IL1RAPL2: variants seen among roughly 807,000 people sequenced by gnomAD.
IL1RAPL2 encodes interleukin 1 receptor accessory protein like 2.
In IL1RAPL2, 3 loss-of-function variants were observed where a neutral mutation model predicts 44.1. The ratio of observed to expected loss-of-function variants is 0.07; its 90% CI spans 0.03 to 0.18. The LOEUF is 0.18. Ranked by LOEUF, IL1RAPL2 falls within the 10% of genes least tolerant of loss-of-function variation. IL1RAPL2 has a pLI of 1.00. For missense variants in IL1RAPL2, 391 were observed against 496.4 expected, an observed-to-expected ratio of 0.79 and a Z score of 2.02; for synonymous variants, 181 against 178.8, an observed-to-expected ratio of 1.01 and a Z score of -0.10.
intron 2 of IL1RAPL2, among the ~76,000 whole-genome samples, chrX:105,032,262 C>CT (rs1175049450): frequency 9.2e-6 from 1 of 108,520 alleles, no homozygotes; most frequent in East Asian, 2.9e-4. Flanking sequence ...TTCTTGCCTT[C>CT]TGCTAGCTTT....
chrX:104,595,288 G>T (rs1928742700), intron 1 of IL1RAPL2, among the ~76,000 whole-genome samples: 1 of 111,364 alleles, frequency 9.0e-6, no homozygotes, highest in Non-Finnish European at 1.9e-5. Flanking sequence ...CCTAGGCTCT[G>T]GCTTGAGCTA....
chrX:105,412,406 C>T (rs1640787800), intron 5 of IL1RAPL2, among the ~76,000 whole-genome samples: 2 of 107,812 alleles, frequency 1.9e-5, no homozygotes, highest in Admixed American at 2.0e-4. Context: ...TTGGTTGGAC[C>T]TGGGGGACAC....
chrX:105,003,541 GAT>G (rs2030889115), intron 2 of IL1RAPL2, among the ~76,000 whole-genome samples: 1 of 110,917 alleles, frequency 9.0e-6, no homozygotes, highest in Non-Finnish European at 1.9e-5. Context: ...GTTATAGAAA[GAT>G]AATTACTTTT....
At chrX:104,665,556 T>A (rs2148026051) in intron 2 of IL1RAPL2, among the ~76,000 whole-genome samples, 1 of 111,174 alleles carries the variant, frequency 9.0e-6, no homozygotes, top group African/African-American at 3.3e-5. Context: ...TTTTTATAGA[T>A]TCTTCCAGAT....
chrX:105,347,421 T>A (rs1461705264), intron 5 of IL1RAPL2, among the ~76,000 whole-genome samples: 1 of 111,630 alleles, frequency 9.0e-6, no homozygotes, highest in Non-Finnish European at 1.9e-5. Flanking sequence ...ATTTTTTGCC[T>A]GGAGGATTAA....
chrX:104,753,136 CT>C (rs34311371), intron 2 of IL1RAPL2, among the ~76,000 whole-genome samples: 33,794 of 97,491 alleles, frequency 0.35, 5,182 homozygotes, highest in East Asian at 0.45. Flanking sequence ...CCCACAATAT[CT>C]TTTTTTTTTT....
intron 2 of IL1RAPL2, among the ~76,000 whole-genome samples, chrX:104,693,879 A>G (rs1171766484): frequency 8.9e-6 from 1 of 111,951 alleles, no homozygotes; most frequent in East Asian, 2.8e-4. Context: ...TTAAGTGGCC[A>G]AAGCTTGGCT....
intron 1 of IL1RAPL2, among the ~76,000 whole-genome samples, chrX:104,646,316 A>G (rs1487142108): frequency 2.0e-5 from 2 of 100,046 alleles, no homozygotes; most frequent in African/African-American, 4.1e-5. Context: ...GTTCTAGTCA[A>G]TGGTGCTGGG....
intron 8 of IL1RAPL2, among the ~76,000 whole-genome samples, chrX:105,741,433 C>T (rs1235262203): frequency 1.4e-4 from 16 of 111,810 alleles, no homozygotes; most frequent in Non-Finnish European, 3.0e-4. Context: ...GTACATCCGG[C>T]AAAGGCTTTG....
At chrX:104,891,395 T>G (rs967253884) in intron 2 of IL1RAPL2, among the ~76,000 whole-genome samples, 4 of 112,070 alleles carry the variant, frequency 3.6e-5, no homozygotes, top group Non-Finnish European at 7.5e-5. Context: ...TGGGCAGTAT[T>G]GCCATTTTCA....
At chrX:105,544,933 C>T (rs544640001) in intron 6 of IL1RAPL2, among the ~76,000 whole-genome samples, 27 of 111,132 alleles carry the variant, frequency 2.4e-4, no homozygotes, top group Non-Finnish European at 4.5e-4. Flanking sequence ...TCTTAATTAA[C>T]GAGAACCTCC....
intron 6 of IL1RAPL2, among the ~76,000 whole-genome samples, chrX:105,673,545 C>A (rs966147200): frequency 8.9e-6 from 1 of 111,939 alleles, no homozygotes; most frequent in African/African-American, 3.2e-5. Flanking sequence ...ATATATACCA[C>A]AATTTCTTTA....
chrX:105,329,629 A>T (rs888367961), intron 5 of IL1RAPL2, among the ~76,000 whole-genome samples: 2 of 111,573 alleles, frequency 1.8e-5, no homozygotes, highest in Non-Finnish European at 3.8e-5. Context: ...GTCTATTTTT[A>T]TGAGGATGAC....
At chrX:104,631,321 A>C (rs780041701) in intron 1 of IL1RAPL2, among the ~76,000 whole-genome samples, 3 of 111,908 alleles carry the variant, frequency 2.7e-5, no homozygotes, top group Non-Finnish European at 3.8e-5. Flanking sequence ...GTCTTTATAG[A>C]AGCATGATTT....
chrX:104,861,349 T>A, intron 2 of IL1RAPL2, among the ~76,000 whole-genome samples: 1 of 111,784 alleles, frequency 8.9e-6, no homozygotes, highest in East Asian at 2.8e-4. Context: ...ACTGGGGACA[T>A]TAAATATGTA....
At chrX:105,721,735 G>T in intron 7 of IL1RAPL2, among the ~76,000 whole-genome samples, 1 of 111,852 alleles carries the variant, frequency 8.9e-6, no homozygotes, top group Middle Eastern at 4.7e-3. Flanking sequence ...AACCTTTCAG[G>T]ACTTGCAAAA....
intron 2 of IL1RAPL2, among the ~76,000 whole-genome samples, chrX:105,079,255 G>T (rs776333683): frequency 9.0e-6 from 1 of 111,417 alleles, no homozygotes; most frequent in Non-Finnish European, 1.9e-5. Context: ...GTGGAAGACA[G>T]TGTGGAGATT....
chrX:105,091,900 A>G (rs755093831), intron 2 of IL1RAPL2, among the ~76,000 whole-genome samples: 2 of 111,410 alleles, frequency 1.8e-5, no homozygotes, highest in South Asian at 7.5e-4. Context: ...TCTCATCCAT[A>G]ATGGAGACAT....
intron 2 of IL1RAPL2, among the ~76,000 whole-genome samples, chrX:104,701,815 GGTGA>G (rs374176105): frequency 3.6e-5 from 4 of 111,269 alleles, no homozygotes; most frequent in African/African-American, 1.3e-4. Context: ...ATGACTTTTG[GGTGA>G]GTAATATGGG....
Sources: gnomAD v4.1 joint callset for allele counts (sites outside exome capture counted in the v4.1 genomes callset) on GRCh38, gnomAD v4.1.1 for gene constraint, MANE v1.5 for transcripts, NCBI Gene and HGNC (gene_info 2026-07-23, HGNC 2026-07-21) for gene names.